The following HNRNPM variants were observed in gnomAD, a reference collection of about 807,000 sequenced individuals.
HNRNPM encodes CEA receptor.
In HNRNPM, 11 loss-of-function variants were observed where a neutral mutation model predicts 73.1. That is an observed-to-expected ratio of 0.15 (90% CI 0.09 to 0.25). The LOEUF (loss-of-function observed/expected upper bound fraction) is 0.25. Among genes scored for constraint, HNRNPM ranks in the 10% least tolerant of loss-of-function variants. The probability of loss-of-function intolerance (pLI) is 1.00; values close to 1 mark genes in which losing one functional copy is unlikely to be tolerated. For synonymous variants in HNRNPM, 407 were observed against 355.2 expected (o/e 1.15, Z -1.64); for missense variants, 789 against 1,067.9 (o/e 0.74, Z 3.64).
chr19:8,486,552 C>G (rs1270364892), intron 14 of HNRNPM, 147 bp downstream of exon 14: 6 of 676,544 alleles, frequency 8.9e-6, no homozygotes, highest in Non-Finnish European at 1.5e-5. Flanking sequence ...GCTAGTGGGA[C>G]AAGTAAGGAA....
intron 1 of HNRNPM, among the ~76,000 whole-genome samples, chr19:8,454,671 A>AT (rs1968867325): frequency 3.0e-5 from 2 of 67,702 alleles, no homozygotes; most frequent in African/African-American, 4.4e-5. Context: ...GCATCATTTT[A>AT]TGCCCCCCCC....
intron 15 of HNRNPM, 153 bp downstream of exon 15, chr19:8,487,228 T>G (rs1971377469): frequency 5.5e-6 from 4 of 726,826 alleles, no homozygotes; most frequent in Non-Finnish European, 1.0e-5. Context: ...GGCAGGTTGT[T>G]GAGTGTCCTG....
chr19:8,478,579 G>C (rs1210642465), intron 12 of HNRNPM, among the ~76,000 whole-genome samples: 2 of 152,194 alleles, frequency 1.3e-5, no homozygotes, highest in Non-Finnish European at 2.9e-5. Flanking sequence ...TGCTCTCTTA[G>C]AGTCAGCTGG....
chr19:8,488,560 G>A, intron 15 of HNRNPM, 131 bp from the exon 16 acceptor site: 1 of 709,086 alleles, frequency 1.4e-6, no homozygotes, highest in Non-Finnish European at 2.3e-6. Context: ...GGGGGCCGTA[G>A]TCATTGGTTC....
intron 4 of HNRNPM, 39 bp from the exon 5 acceptor site, chr19:8,463,554 G>A: frequency 6.2e-7 from 1 of 1,612,792 alleles, no homozygotes; most frequent in East Asian, 2.2e-5. Flanking sequence ...TAACTTGTAG[G>A]ACTGGTTTCA....
intron 12 of HNRNPM, among the ~76,000 whole-genome samples, chr19:8,481,961 T>G (rs1311599721): frequency 1.5e-5 from 2 of 132,162 alleles, no homozygotes; most frequent in Non-Finnish European, 3.1e-5. Flanking sequence ...TGTTGTTGTT[T>G]GGTGTCTTTT....
In HNRNPM at chr19:8,465,299, G is replaced by A. The variant is rs1251366366; in HGVS notation, c.439-25G>A. 6 of 1,579,916 alleles carry A rather than the reference G, an allele frequency of 3.8e-6. No individual in the cohort carries two copies. The African/African-American group carries it at 4.1e-5, about 11-fold the overall frequency. ...TTGCGTTGTACTGGGTCAGTTAAAC[G>A]TAACACCTTTTGTGCTTGTTTTAGG... On this transcript the variant is annotated intron_variant, in intron 5 of 15. Transcript: ENST00000325495.
At chr19:8,481,316 A>T (rs1434607726) in intron 12 of HNRNPM, among the ~76,000 whole-genome samples, 1 of 152,182 alleles carries the variant, frequency 6.6e-6, no homozygotes, top group Non-Finnish European at 1.5e-5. Context: ...TGGTTGCCAG[A>T]TGCTGCTCAG....
chr19:8,447,829 A>C (rs1968314133), intron 1 of HNRNPM, among the ~76,000 whole-genome samples: 2 of 152,202 alleles, frequency 1.3e-5, no homozygotes, highest in Non-Finnish European at 2.9e-5. Context: ...GATAGAGACC[A>C]TCCTGGCTAA....
At chr19:8,470,875 C>T (rs747753200) in intron 9 of HNRNPM, among the ~76,000 whole-genome samples, 9 of 152,110 alleles carry the variant, frequency 5.9e-5, no homozygotes, top group Non-Finnish European at 1.3e-4. Flanking sequence ...CTAAAACCAC[C>T]CAGATTCAGA....
rs747153874 is a variant in HNRNPM, at chr19:8,485,685, G to C, written c.1257G>C (p.Met419Ile). Residue 419 changes from methionine (M) to isoleucine (I), a missense_variant, in exon 14 of 16, where the codon ATG (methionine) becomes ATC (isoleucine). Met to Ile is a conservative substitution (Grantham distance 10, BLOSUM62 1). Around this residue, in one of 4 missense-constraint regions of HNRNPM, gnomAD observed 604 missense variants for 744.0 expected, o/e 0.81. Transcript: ENST00000325495. ...DRLGGAGMERMGAGLGHGMDR... is the reference protein window; with the variant it reads ...DRLGGAGMERIGAGLGHGMDR... ...TCGGGGGTGCCGGCATGGAGCGCAT[G>C]GGCGCGGGCCTGGGCCACGGCATGG... is the stretch of plus-strand genomic sequence containing the variant. 3.5e-5 allele frequency: 56 copies of C among 1,607,998 alleles called. No homozygotes were observed. The highest frequency in any genetic ancestry group is 4.7e-5 in the Non-Finnish European group (55 of 1,179,726).
Position 8,485,632 on chromosome 19 carries a change from G to A in HNRNPM, c.1204G>A (p.Glu402Lys), listed in dbSNP as rs1214434398. 4.4e-6 allele frequency: 7 copies of A among 1,603,448 alleles called. No homozygotes were observed. The highest frequency in any genetic ancestry group is 1.1e-5 in the South Asian group (1 of 90,942). ...AGGTGGAGGAAGCGTCCCTGGGATC[G>A]AGAGGATGGGTCCTGGCATTGACCG... The part of the protein sequence containing the change: ...GGGGGSVPGI[E>K]RMGPGIDRLG... Residue 402 changes from glutamate to lysine, a missense_variant, in exon 14 of 16, where the codon GAG becomes AAG. Transcript: ENST00000325495.
In HNRNPM at chr19:8,453,202, T is replaced by C. The variant is rs1968751386; in HGVS notation, c.114-2203T>C. 2.0e-5 allele frequency among the ~76,000 whole-genome samples: 3 copies of C among 152,068 alleles called. No homozygotes were observed. In the South Asian group the frequency reaches 6.2e-4, roughly 32 times the overall value. On this transcript the variant is annotated intron_variant, in intron 1 of 15. Transcript: ENST00000325495. ...TGTCACTCAGGCTGGAGTGCAGTGGTGCGGTCTCAGCTCACTGCAACCTCC... is the reference window on the plus strand; with the variant it reads ...TGTCACTCAGGCTGGAGTGCAGTGGCGCGGTCTCAGCTCACTGCAACCTCC...
Position 8,469,813 on chromosome 19 carries a change from C to T in HNRNPM, c.895+979C>T, listed in dbSNP as rs1213860829. Among the ~76,000 whole-genome samples, 7 of 152,354 alleles carry T rather than the reference C, an allele frequency of 4.6e-5. 1 individual carries two copies. In the South Asian group the frequency reaches 1.4e-3, roughly 32 times the overall value. On this transcript the variant is annotated intron_variant, in intron 9 of 15. Transcript: ENST00000325495. ...GTTGAGGGGGCCTGGTCTGGAGCAGCAGCTCAAGCTCAGGGCCCTACTCAC... is the reference window on the plus strand; with the variant it reads ...GTTGAGGGGGCCTGGTCTGGAGCAGTAGCTCAAGCTCAGGGCCCTACTCAC...
At chr19:8,473,937 G>A (rs1970331205) in intron 11 of HNRNPM, among the ~76,000 whole-genome samples, 3 of 151,796 alleles carry the variant, frequency 2.0e-5, no homozygotes, top group Non-Finnish European at 4.4e-5. Flanking sequence ...CCATCTCTAT[G>A]CCTCTTTTTG....
intron 13 of HNRNPM, among the ~76,000 whole-genome samples, chr19:8,483,873 C>G (rs2145749652): frequency 6.6e-6 from 1 of 152,308 alleles, no homozygotes. Context: ...CTAAGCGATT[C>G]TCCCACTTTA....
intron 14 of HNRNPM, 96 bp downstream of exon 14, chr19:8,486,501 A>C (rs1027696465): frequency 4.8e-6 from 5 of 1,044,946 alleles, no homozygotes; most frequent in Non-Finnish European, 5.5e-6. Context: ...GCGCCCTTCA[A>C]AGGGGACCAC....
At chr19:8,469,831 C>T (rs575082361) in intron 9 of HNRNPM, among the ~76,000 whole-genome samples, 1 of 152,210 alleles carries the variant, frequency 6.6e-6, no homozygotes, top group Non-Finnish European at 1.5e-5. Context: ...GCTCAGGGCC[C>T]TACTCACTGA....
intron 1 of HNRNPM, 178 bp downstream of exon 1, chr19:8,445,289 C>T (rs939743421): frequency 2.0e-6 from 1 of 502,364 alleles, no homozygotes; most frequent in Non-Finnish European, 3.2e-6. Flanking sequence ...CCGGGGGAGC[C>T]TCCAGAATCG....
Sources: gnomAD v4.1 joint callset for allele counts (sites outside exome capture counted in the v4.1 genomes callset) on GRCh38, gnomAD v4.1.1 for gene constraint, gnomAD v4.1.1 regional missense constraint, MANE v1.5 for transcripts, NCBI Gene and HGNC (gene_info 2026-07-23, HGNC 2026-07-21) for gene names.